Variants in FGF12 observed in about 807,000 individuals in gnomAD.
The protein encoded by FGF12 is fibroblast growth factor 12B.
Under a neutral mutation model 23.6 loss-of-function variants are expected in FGF12, and 14 were observed. The ratio of observed to expected loss-of-function variants is 0.59; its 90% CI spans 0.39 to 0.93. The LOEUF is 0.93. FGF12 is among the 40% of genes least tolerant of loss of function. The pLI is 0.00. For missense variants in FGF12, 175 were observed against 217.8 expected (o/e 0.80, Z 1.24); for synonymous variants, 62 against 77.3 (o/e 0.80, Z 1.04).
At chr3:192,214,352 T>C (rs914221569) in intron 4 of FGF12, among the ~76,000 whole-genome samples, 7 of 152,204 alleles carry the variant, frequency 4.6e-5, no homozygotes, top group Non-Finnish European at 1.0e-4. Flanking sequence ...AATCTCTGAG[T>C]AAGCACAGTA....
At chr3:192,185,537 A>T (rs902514018) in intron 4 of FGF12, among the ~76,000 whole-genome samples, 83 of 151,996 alleles carry the variant, frequency 5.5e-4, no homozygotes, top group African/African-American at 1.8e-3. Context: ...TTTTTTTTTC[A>T]TGAATTTTTT....
At chr3:192,415,787 CAG>C in intron 2 of FGF12, among the ~76,000 whole-genome samples, 1 of 149,024 alleles carries the variant, frequency 6.7e-6, no homozygotes, top group African/African-American at 2.5e-5. Context: ...CTCATGTTCA[CAG>C]AAGAAAAGGA....
intron 4 of FGF12, among the ~76,000 whole-genome samples, chr3:192,210,625 TTC>T (rs1241106930): frequency 6.6e-6 from 1 of 152,232 alleles, no homozygotes; most frequent in Non-Finnish European, 1.5e-5. Context: ...ATTGCAGCAC[TTC>T]TGTTTGACCT....
intron 2 of FGF12, among the ~76,000 whole-genome samples, chr3:192,559,773 A>ACTCT (rs898795286): frequency 6.6e-6 from 1 of 151,880 alleles, no homozygotes; most frequent in Non-Finnish European, 1.5e-5. Context: ...ATATAGAGAC[A>ACTCT]CTCTCTGTAC....
chr3:192,310,139 C>T (rs1715858503), intron 4 of FGF12, among the ~76,000 whole-genome samples: 1 of 152,136 alleles, frequency 6.6e-6, no homozygotes, highest in Admixed American at 6.6e-5. Flanking sequence ...AAGTATTTGT[C>T]GCAATGCCAA....
chr3:192,385,021 T>C (rs1386551204), intron 2 of FGF12, among the ~76,000 whole-genome samples: 1 of 152,086 alleles, frequency 6.6e-6, no homozygotes, highest in Non-Finnish European at 1.5e-5. Flanking sequence ...GATATATAGA[T>C]AGATTTGAGG....
chr3:192,557,450 T>C (rs1711832989), intron 2 of FGF12, among the ~76,000 whole-genome samples: 1 of 151,936 alleles, frequency 6.6e-6, no homozygotes, highest in Admixed American at 6.6e-5. Flanking sequence ...AGCCCATGAC[T>C]AGATGGCTTC....
chr3:192,601,638 A>G (rs1047380989), intron 2 of FGF12, among the ~76,000 whole-genome samples: 1 of 152,122 alleles, frequency 6.6e-6, no homozygotes, highest in African/African-American at 2.4e-5. Flanking sequence ...ATCAATCGGC[A>G]AAGCACAGAG....
chr3:192,421,032 G>A (rs1036359852), intron 2 of FGF12, among the ~76,000 whole-genome samples: 4 of 152,138 alleles, frequency 2.6e-5, no homozygotes, highest in Non-Finnish European at 4.4e-5. Flanking sequence ...GGGGTGGAGA[G>A]ATATTCGACG....
chr3:192,415,068 A>G (rs1721304253), intron 2 of FGF12, among the ~76,000 whole-genome samples: 2 of 152,196 alleles, frequency 1.3e-5, no homozygotes, highest in Admixed American at 6.5e-5. Flanking sequence ...CAGAAAGTAA[A>G]GAAGCTTATA....
At chr3:192,611,638 A>G (rs909556012) in intron 2 of FGF12, among the ~76,000 whole-genome samples, 1 of 151,998 alleles carries the variant, frequency 6.6e-6, no homozygotes, top group Non-Finnish European at 1.5e-5. Flanking sequence ...TGGTTTCAGA[A>G]AGAAGAACAG....
intron 2 of FGF12, among the ~76,000 whole-genome samples, chr3:192,692,799 TA>T (rs957941894): frequency 2.0e-5 from 3 of 150,974 alleles, no homozygotes; most frequent in African/African-American, 7.3e-5. Flanking sequence ...TCACAAAAAA[TA>T]GGCATCAAAG....
intron 2 of FGF12, among the ~76,000 whole-genome samples, chr3:192,477,026 G>C (rs1723345469): frequency 1.3e-5 from 2 of 152,190 alleles, no homozygotes; most frequent in African/African-American, 4.8e-5. Context: ...ATGAGGTGTA[G>C]AGAAACTACA....
chr3:192,399,696 C>G (rs1041306187), intron 2 of FGF12, among the ~76,000 whole-genome samples: 2 of 152,160 alleles, frequency 1.3e-5, no homozygotes, highest in African/African-American at 4.8e-5. Flanking sequence ...GGCATTAGTA[C>G]GTTTAAAAAC....
intron 2 of FGF12, among the ~76,000 whole-genome samples, chr3:192,684,270 G>A (rs1232817589): frequency 3.9e-5 from 6 of 152,228 alleles, no homozygotes; most frequent in African/African-American, 2.4e-5. Context: ...CTGTGTTAAC[G>A]GGGTTAAAAC....
At chr3:192,480,495 T>C (rs575132767) in intron 2 of FGF12, among the ~76,000 whole-genome samples, 22 of 152,190 alleles carry the variant, frequency 1.4e-4, no homozygotes, top group Admixed American at 2.6e-4. Context: ...TGCTTATTAC[T>C]AGAGAAGATA....
rs374574939 is a variant in FGF12, at chr3:192,360,391, A to G, written c.124+37T>C. ...TAAGATACACTGGGCCCTACATTTG[A>G]TTTGTAATCAGATTGTAAGAAGCTA... On this transcript the variant is annotated intron_variant, in intron 3 of 5. Coordinates refer to ENST00000445105, the MANE Select transcript of FGF12 (RefSeq NM_004113.6). The surrounding 1 kb of genome is among the most constrained non-coding windows in gnomAD (Gnocchi z 4.3). 1 of 1,420,460 alleles carries G rather than the reference A, an allele frequency of 7.0e-7. No homozygotes were observed. The highest frequency in any genetic ancestry group is 1.0e-6 in the Non-Finnish European group (1 of 1,004,218). The allele number at this position is 1,420,460 out of a possible 1,614,324, so 88.0% of individuals were successfully genotyped here.
chr3:192,559,025 C>T (rs1053606681), intron 2 of FGF12, among the ~76,000 whole-genome samples: 2 of 151,864 alleles, frequency 1.3e-5, no homozygotes, highest in African/African-American at 4.8e-5. Context: ...GGAACATCTT[C>T]ATATCGCTTT....
At chr3:192,236,458 G>T (rs1719305407) in intron 4 of FGF12, among the ~76,000 whole-genome samples, 1 of 152,168 alleles carries the variant, frequency 6.6e-6, no homozygotes, top group Non-Finnish European at 1.5e-5. Context: ...TCACTCGGGT[G>T]TTGAAGTCTG....
Sources: allele counts gnomAD v4.1 joint callset (sites outside exome capture counted in the v4.1 genomes callset), GRCh38; gene constraint gnomAD v4.1.1; non-coding constraint Gnocchi (gnomAD v3.1); transcripts MANE v1.5; gene names NCBI Gene and HGNC (gene_info 2026-07-23, HGNC 2026-07-21).